The following IPO7 variants were observed in gnomAD, a reference collection of about 807,000 sequenced individuals.
IPO7 encodes the protein importin 7.
Under a neutral mutation model 136.4 loss-of-function variants are expected in IPO7, and 13 were observed. The ratio of observed to expected loss-of-function variants is 0.10; its 90% CI spans 0.06 to 0.15. The LOEUF is 0.15. Among genes scored for constraint, IPO7 ranks in the 10% least tolerant of loss-of-function variants. IPO7 has a pLI of 1.00. For missense variants in IPO7, 857 were observed against 1,240.6 expected (o/e 0.69, Z 4.65); for synonymous variants, 403 against 404.4 (o/e 1.00, Z 0.04).
At chr11:9,421,894 A>G (rs1184592033) in intron 8 of IPO7, among the ~76,000 whole-genome samples, 1 of 151,942 alleles carries the variant, frequency 6.6e-6, no homozygotes, top group African/African-American at 2.4e-5. Flanking sequence ...CGGTGCGCAG[A>G]GATCCTGCCA....
intron 19 of IPO7, among the ~76,000 whole-genome samples, chr11:9,435,336 G>T (rs1203859688): frequency 6.6e-6 from 1 of 152,186 alleles, no homozygotes; most frequent in Non-Finnish European, 1.5e-5. Context: ...TTTTTGAAAG[G>T]ATTAGGAATG....
intron 23 of IPO7, 68 bp downstream of exon 23, chr11:9,440,729 T>A: frequency 1.6e-6 from 2 of 1,253,922 alleles, no homozygotes; most frequent in Non-Finnish European, 2.3e-6. Context: ...GCCTGCCCTT[T>A]AAAGGAAGAG....
intron 8 of IPO7, 150 bp from the exon 9 acceptor site, chr11:9,422,856 G>A (rs1855154064): frequency 2.0e-5 from 9 of 443,986 alleles, no homozygotes; most frequent in Non-Finnish European, 3.2e-5. Flanking sequence ...TTCTTAATCA[G>A]AAATGAGTTA....
Position 9,445,173 on chromosome 11 carries a change from C to T in IPO7, c.3096C>T (p.Gly1032=). ...TGCCAAGTTCTTTCAATTTTGGAGG[C>T]CCAGCACCAGGGATGAATTGAGTTA... ...PVVPSSFNFG[G]PAPGMN The change falls in exon 25 of 25, where the codon GGC becomes GGT. Residue 1032 remains glycine, a synonymous_variant. Transcript: ENST00000379719. 1.3e-6 allele frequency: 2 copies of T among 1,596,486 alleles called. No individual in the cohort carries two copies. Among genetic ancestry groups the T allele is most frequent in the Non-Finnish European group, 1.7e-6 (2 of 1,163,912 alleles).
At chr11:9,423,505 TTTA>T (rs1855162608) in intron 9 of IPO7, among the ~76,000 whole-genome samples, 1 of 152,180 alleles carries the variant, frequency 6.6e-6, no homozygotes, top group South Asian at 2.1e-4. Flanking sequence ...ATTTATGTGC[TTTA>T]TTTAGAGCTG....
In IPO7 at chr11:9,433,784, T is replaced by C. The variant is rs1356908958; in HGVS notation, c.2012T>C (p.Met671Thr). Residue 671 changes from methionine (M) to threonine (T), a missense_variant, in exon 18 of 25, where the codon ATG (methionine) becomes ACG (threonine). Transcript: ENST00000379719. Reference sequence around the variant, plus strand: ...ACATGTCAACAAGTGTCTCCACAGATGTGGCAGCTACTACCCCTTGTATTT... The same window carrying C: ...ACATGTCAACAAGTGTCTCCACAGACGTGGCAGCTACTACCCCTTGTATTT... ...SLTCQQVSPQ[M>T]WQLLPLVFEV... 6 of 1,611,602 alleles carry C rather than the reference T, an allele frequency of 3.7e-6. No homozygotes were observed. The African/African-American group carries it at 6.7e-5, about 18-fold the overall frequency.
chr11:9,440,283 T>C (rs1855444456), intron 22 of IPO7, among the ~76,000 whole-genome samples, 172 bp from the exon 23 acceptor site: 1 of 152,270 alleles, frequency 6.6e-6, no homozygotes, highest in African/African-American at 2.4e-5. Flanking sequence ...TGGACTCCTA[T>C]GGAAATTTTC....
At chr11:9,404,336 G>A (rs1854844764) in intron 2 of IPO7, among the ~76,000 whole-genome samples, 1 of 151,492 alleles carries the variant, frequency 6.6e-6, no homozygotes. Flanking sequence ...GTGGTGGCGG[G>A]CGCCTGTAGT....
At chr11:9,432,891 C>T (rs1477722850) in intron 16 of IPO7, among the ~76,000 whole-genome samples, 2 of 151,674 alleles carry the variant, frequency 1.3e-5, no homozygotes, top group South Asian at 2.1e-4. Context: ...TGCCTTCCTT[C>T]GGATAATTTC....
intron 1 of IPO7, 146 bp downstream of exon 1, chr11:9,384,993 C>G: frequency 1.6e-6 from 1 of 642,310 alleles, no homozygotes; most frequent in Admixed American, 2.8e-5. Context: ...GCGACTTCCA[C>G]GCCGGGGCGC....
chr11:9,443,261 C>T (rs1342517665), intron 24 of IPO7, among the ~76,000 whole-genome samples: 2 of 151,854 alleles, frequency 1.3e-5, no homozygotes, highest in Non-Finnish European at 2.9e-5. Context: ...AACTTTAGCT[C>T]ATGGTGATGG....
In IPO7 at chr11:9,429,252, C is replaced by T. The variant is rs548960762; in HGVS notation, c.1591+56C>T. The T allele has an allele frequency of 5.5e-5, 78 of 1,417,422 alleles. No homozygotes were observed. The African/African-American group carries it at 1.0e-3, about 19-fold the overall frequency. 87.8% of individuals were successfully genotyped at this position (1,417,422 alleles called of 1,614,324 possible). ...AATGTTGGCCAGGTGCGGTAGGTCA[C>T]ACCTGTAATCTTAGCACTTCGGTAG... is the stretch of plus-strand genomic sequence containing the variant. On this transcript the variant is annotated intron_variant, in intron 14 of 24. Transcript: ENST00000379719.
chr11:9,444,676 A>G (rs576547834), intron 24 of IPO7, among the ~76,000 whole-genome samples: 1 of 152,088 alleles, frequency 6.6e-6, no homozygotes, highest in Non-Finnish European at 1.5e-5. Context: ...TCTACTAAAA[A>G]TACAAAAAAT....
rs1228275735 is a variant in IPO7 at position 9,408,605 on chromosome 11, G to C, written c.286G>C (p.Val96Leu). The C allele has an allele frequency of 6.3e-7, 1 of 1,595,004 alleles. No homozygotes were observed. Residue 96 changes from valine to leucine, a missense_variant, in exon 3 of 25, where the codon GTA (valine) becomes CTA (leucine). Physicochemically the swap from Val to Leu is conservative, Grantham distance 32. Transcript: ENST00000379719. ...EDRHCIRENI[V>L]EAIIHSPELI... ...TCGCCATTGTATTCGAGAAAATATT[G>C]TAGAAGCCATTATCCATTCTCCTGA...
chr11:9,441,722 T>C (rs1855462053), intron 23 of IPO7, among the ~76,000 whole-genome samples: 2 of 152,216 alleles, frequency 1.3e-5, no homozygotes, highest in South Asian at 4.1e-4. Context: ...GTAGCCTTGA[T>C]GATTTTCAAG....
At chr11:9,386,713 G>A (rs1854556293) in intron 1 of IPO7, among the ~76,000 whole-genome samples, 2 of 151,914 alleles carry the variant, frequency 1.3e-5, no homozygotes, top group South Asian at 2.1e-4. Flanking sequence ...AGAAACCTGG[G>A]GTATTTCACA....
chr11:9,422,326 G>A (rs955301742), intron 8 of IPO7, among the ~76,000 whole-genome samples: 10 of 150,788 alleles, frequency 6.6e-5, no homozygotes, highest in Middle Eastern at 3.2e-3. Flanking sequence ...TCATACTCTT[G>A]ATTCAAATAA....
chr11:9,423,405 A>G lies in IPO7; in HGVS notation c.1041+265A>G, dbSNP rs910663800. Among the ~76,000 whole-genome samples, 4 of 152,186 alleles carry G rather than the reference A, an allele frequency of 2.6e-5. No individual in the cohort carries two copies. The South Asian group carries it at 8.3e-4, about 31-fold the overall frequency. On this transcript the variant is annotated intron_variant, in intron 9 of 24. Coordinates refer to ENST00000379719, the MANE Select transcript of IPO7 (RefSeq NM_006391.3). ...GTTCTTAATATTGGACTATGATTAT[A>G]TTTTATCATGTAATTTGGAGTAGCC...
In IPO7 at chr11:9,447,107, T is replaced by G. The variant is rs1039607111; in HGVS notation, c.*1913T>G. ...TAGTATTAAAGAAACATTCTCGTCT[T>G]CCTTTACCTTTAATCCCCTAATACC... On this transcript the variant is annotated 3_prime_UTR_variant, in exon 25 of 25. Coordinates refer to ENST00000379719, the MANE Select transcript of IPO7 (RefSeq NM_006391.3). The G allele has an allele frequency of 6.6e-6, 1 of 152,224 alleles. No individual in the cohort carries two copies. The highest frequency in any genetic ancestry group is 1.5e-5 in the Non-Finnish European group (1 of 68,022). The allele number at this position is 152,224 out of a possible 1,614,324, so 9.4% of individuals were successfully genotyped here. A position where few individuals can be genotyped will look rare whatever the true frequency, so the allele number is the denominator to read the frequency against.
Sources: allele counts gnomAD v4.1 joint callset (sites outside exome capture counted in the v4.1 genomes callset), GRCh38; gene constraint gnomAD v4.1.1; transcripts MANE v1.5; gene names NCBI Gene and HGNC (gene_info 2026-07-23, HGNC 2026-07-21).